Variants in GCH1 observed in about 807,000 individuals in gnomAD.
GCH1 encodes the protein GTP cyclohydrolase 1, also known as GTP cyclohydrolase I.
In GCH1, 5 loss-of-function variants were observed where a neutral mutation model predicts 25.9. That is an observed-to-expected ratio of 0.19 (90% CI 0.10 to 0.41). The LOEUF (loss-of-function observed/expected upper bound fraction) is 0.41. Among genes scored for constraint, GCH1 ranks in the 10% least tolerant of loss-of-function variants. The pLI is 1.00. For synonymous variants in GCH1, 159 were observed against 129.6 expected (o/e 1.23, Z -1.54); for missense variants, 261 against 336.5 (o/e 0.78, Z 1.75).
In GCH1 at chr14:54,843,017, T is replaced by G; in HGVS notation, c.*1000A>C. On this transcript the variant is annotated 3_prime_UTR_variant, in exon 6 of 6. Transcript: ENST00000491895. ...TGTCTTCCACCGTCAGTTCATTCTG[T>G]GCTCGTTCAGGTGCGTGGAAGCTAT... is the stretch of plus-strand genomic sequence containing the variant. 1 of 827,414 alleles carries G rather than the reference T, an allele frequency of 1.2e-6. No individual in the cohort carries two copies. Among genetic ancestry groups the G allele is most frequent in the African/African-American group, 1.7e-5 (1 of 60,008 alleles). The allele number at this position is 827,414 out of a possible 1,614,324, so 51.3% of individuals were successfully genotyped here.
intron 1 of GCH1, among the ~76,000 whole-genome samples, chr14:54,882,568 C>CTGGATAAT (rs1475462047): frequency 1.3e-5 from 2 of 152,112 alleles, no homozygotes; most frequent in African/African-American, 4.8e-5. Flanking sequence ...AGTTTTTTAA[C>CTGGATAAT]TGGATAATTT....
intron 2 of GCH1, among the ~76,000 whole-genome samples, chr14:54,862,595 T>TTTG (rs2039918271): frequency 7.7e-6 from 1 of 130,318 alleles, no homozygotes; most frequent in South Asian, 2.5e-4. Flanking sequence ...TGGTTTTCGT[T>TTTG]TTTTTTTTTT....
chr14:54,900,560 A>G (rs1250744978), intron 1 of GCH1, among the ~76,000 whole-genome samples: 2 of 152,118 alleles, frequency 1.3e-5, no homozygotes, highest in East Asian at 3.9e-4. Context: ...GCAGTTATTA[A>G]TCCTCTTTAA....
chr14:54,885,539 A>G, intron 1 of GCH1: 1 of 361,284 alleles, frequency 2.8e-6, no homozygotes, highest in Admixed American at 3.4e-5. Flanking sequence ...TGATACAAGC[A>G]GATCTGCCCC....
intron 1 of GCH1, among the ~76,000 whole-genome samples, chr14:54,870,804 G>C (rs2040062819): frequency 6.6e-6 from 1 of 152,214 alleles, no homozygotes; most frequent in African/African-American, 2.4e-5. Flanking sequence ...CTGGGGGAGG[G>C]GCACCCGCCA....
intron 1 of GCH1, among the ~76,000 whole-genome samples, chr14:54,882,794 C>G (rs1051744738): frequency 1.3e-5 from 2 of 152,194 alleles, no homozygotes; most frequent in African/African-American, 4.8e-5. Context: ...GTGATGGAAC[C>G]ATCTGTAATC....
At chr14:54,868,717 T>G (rs887617593) in intron 1 of GCH1, among the ~76,000 whole-genome samples, 5 of 152,036 alleles carry the variant, frequency 3.3e-5, no homozygotes, top group Non-Finnish European at 5.9e-5. Flanking sequence ...TTCTCCTGCC[T>G]CAGCCTCCTA....
intron 3 of GCH1, among the ~76,000 whole-genome samples, chr14:54,853,423 T>C (rs1037022902): frequency 6.6e-6 from 1 of 152,200 alleles, no homozygotes; most frequent in African/African-American, 2.4e-5. Flanking sequence ...TCGTCCTTGA[T>C]TTGGGATGGG....
intron 1 of GCH1, among the ~76,000 whole-genome samples, chr14:54,872,380 C>T (rs573074098): frequency 3.9e-5 from 6 of 152,204 alleles, no homozygotes; most frequent in African/African-American, 1.4e-4. Flanking sequence ...CCGGTACCAG[C>T]CACTGAAAAA....
Position 54,902,430 on chromosome 14 carries a change from G to A in GCH1, c.234C>T (p.Ile78=), listed in dbSNP as rs747393714. Residue 78 remains isoleucine (I), a synonymous_variant, in exon 1 of 6, where the codon ATC becomes ATT. Transcript: ENST00000491895. The part of the protein sequence containing the change: ...LPNLAAAYSS[I]LSSLGENPQR... ...GGGGGTTCTCGCCCAGCGAGCTCAGGATGGACGAGTAGGCGGCTGCCAGGT... is the reference window on the plus strand; with the variant it reads ...GGGGGTTCTCGCCCAGCGAGCTCAGAATGGACGAGTAGGCGGCTGCCAGGT... 6 of 1,612,950 alleles carry A rather than the reference G, an allele frequency of 3.7e-6. No homozygotes were observed. The Admixed American group carries it at 1.0e-4, about 27-fold the overall frequency.
intron 3 of GCH1, among the ~76,000 whole-genome samples, chr14:54,857,392 G>C (rs1340360305): frequency 6.6e-6 from 1 of 152,154 alleles, no homozygotes; most frequent in Non-Finnish European, 1.5e-5. Flanking sequence ...TTCCCATAAA[G>C]TGTTAATCAT....
At chr14:54,845,533 C>A (rs1304207741) in intron 5 of GCH1, among the ~76,000 whole-genome samples, 1 of 151,714 alleles carries the variant, frequency 6.6e-6, no homozygotes, top group African/African-American at 2.4e-5. Flanking sequence ...TTTTAACTCC[C>A]TATGCCTCCA....
chr14:54,902,276 C>A (rs372902364), intron 1 of GCH1, 45 bp downstream of exon 1: 3 of 1,594,930 alleles, frequency 1.9e-6, no homozygotes, highest in Non-Finnish European at 2.6e-6. Flanking sequence ...CTGCAAGCAC[C>A]GCCCCCGCCG....
chr14:54,850,338 G>C lies in GCH1; in HGVS notation c.510-3208C>G, dbSNP rs572287798. Among the ~76,000 whole-genome samples the C allele has an allele frequency of 2.4e-3, 310 of 129,320 alleles. 1 individual carries two copies. The highest frequency in any genetic ancestry group is 8.7e-3 in the African/African-American group (289 of 33,188). The allele number at this position is 129,320 out of a possible 152,430, so 84.8% of individuals were successfully genotyped here. ...TTTTTTTTTTTTCCCCCGAGACAGA[G>C]TCTCCCTCTTGTCACCCAGGCTGGA... On this transcript the variant is annotated intron_variant, in intron 3 of 5. Transcript: ENST00000491895.
intron 1 of GCH1, among the ~76,000 whole-genome samples, chr14:54,866,459 G>A (rs1429327627): frequency 6.6e-6 from 1 of 151,658 alleles, no homozygotes; most frequent in Non-Finnish European, 1.5e-5. Flanking sequence ...AATAAATATA[G>A]ACATAGAAAA....
intron 1 of GCH1, among the ~76,000 whole-genome samples, chr14:54,886,585 C>G (rs140059004): frequency 2.6e-5 from 4 of 152,190 alleles, no homozygotes; most frequent in African/African-American, 9.7e-5. Flanking sequence ...GCACTCTAGC[C>G]TGGGTGACAG....
chr14:54,893,085 A>C (rs565271447), intron 1 of GCH1, among the ~76,000 whole-genome samples: 3 of 152,308 alleles, frequency 2.0e-5, no homozygotes, highest in Admixed American at 1.3e-4. Flanking sequence ...CCTCCAAATA[A>C]ATAAATATTT....
At chr14:54,844,329 G>A (rs1283082559) in intron 5 of GCH1, among the ~76,000 whole-genome samples, 186 bp from the exon 6 acceptor site, 1 of 152,112 alleles carries the variant, frequency 6.6e-6, no homozygotes, top group African/African-American at 2.4e-5. Flanking sequence ...TGAACATAAT[G>A]GCAAAAACTG....
intron 4 of GCH1, 53 bp from the exon 5 acceptor site, chr14:54,845,905 G>A: frequency 1.1e-6 from 1 of 951,348 alleles, no homozygotes; most frequent in South Asian, 1.3e-5. Context: ...ACAGCTGGAA[G>A]CTTTTTCTGT....
Sources: allele counts gnomAD v4.1 joint callset (sites outside exome capture counted in the v4.1 genomes callset), GRCh38; gene constraint gnomAD v4.1.1; transcripts MANE v1.5; gene names NCBI Gene and HGNC (gene_info 2026-07-23, HGNC 2026-07-21).